REPS1: variants seen among roughly 807,000 people sequenced by gnomAD.
The protein encoded by REPS1 is RALBP1 associated Eps domain containing 1.
A neutral mutation model predicts 100.9 loss-of-function variants in REPS1; 39 were observed. The ratio of observed to expected loss-of-function variants is 0.39; its 90% CI spans 0.30 to 0.50. The LOEUF (loss-of-function observed/expected upper bound fraction) is 0.50. REPS1 is among the 20% of genes least tolerant of loss of function. REPS1 has a pLI of 0.86. For missense variants in REPS1, 821 were observed against 968.5 expected, an observed-to-expected ratio of 0.85 and a Z score of 2.02; for synonymous variants, 324 against 340.3, an observed-to-expected ratio of 0.95 and a Z score of 0.53.
chr6:138,937,187 T>A (rs897378546), intron 8 of REPS1, among the ~76,000 whole-genome samples: 3 of 152,114 alleles, frequency 2.0e-5, no homozygotes, highest in Non-Finnish European at 4.4e-5. Context: ...CCTGCCCCCA[T>A]GATTCAATTA....
Position 138,945,554 on chromosome 6 carries a change from T to C in REPS1, c.421A>G (p.Lys141Glu), listed in dbSNP as rs778908809. ...ACCGTATCATGGCTTACGGATCCCTTTTTCACTTGCCCCCTGCCAGGTGGT... is the reference window on the plus strand; with the variant it reads ...ACCGTATCATGGCTTACGGATCCCTCTTTCACTTGCCCCCTGCCAGGTGGT... ...PPPPGRGQVK[K>E]GSVSHDTVQP... The change falls in exon 3 of 20, where the codon AAG becomes GAG. Residue 141 changes from lysine (K) to glutamate (E), a missense_variant. Coordinates refer to ENST00000450536, the MANE Select transcript of REPS1 (RefSeq NM_001286611.2). The C allele has an allele frequency of 1.1e-5, 17 of 1,612,258 alleles. No homozygotes were observed. The highest frequency in any genetic ancestry group is 2.5e-6 in the Non-Finnish European group (3 of 1,179,524).
intron 7 of REPS1, 122 bp from the exon 8 acceptor site, chr6:138,941,611 CCATA>C: frequency 1.1e-6 from 1 of 915,696 alleles, no homozygotes; most frequent in South Asian, 1.7e-5. Flanking sequence ...TATAAAAATC[CCATA>C]CACAGAAAGA....
At chr6:138,967,555 G>A (rs1361678024) in intron 1 of REPS1, among the ~76,000 whole-genome samples, 1 of 152,120 alleles carries the variant, frequency 6.6e-6, no homozygotes, top group African/African-American at 2.4e-5. Context: ...ATAGCTGTAG[G>A]CAGCAATAAT....
chr6:138,924,150 A>G (rs1377811044), intron 10 of REPS1, among the ~76,000 whole-genome samples: 1 of 152,192 alleles, frequency 6.6e-6, no homozygotes, highest in Admixed American at 6.5e-5. Flanking sequence ...AATTTAAAGT[A>G]AGAATACTGG....
chr6:138,918,239 C>A (rs1205761298), intron 12 of REPS1, among the ~76,000 whole-genome samples: 1 of 152,048 alleles, frequency 6.6e-6, no homozygotes, highest in East Asian at 1.9e-4. Flanking sequence ...GTGTGAGCCA[C>A]CGTGCCTGGC....
intron 1 of REPS1, among the ~76,000 whole-genome samples, chr6:138,962,737 A>G (rs1449627124): frequency 6.6e-6 from 1 of 151,934 alleles, no homozygotes; most frequent in Non-Finnish European, 1.5e-5. Context: ...TTCCTTGAGC[A>G]CTCTACTGTT....
At chr6:138,932,641 T>C (rs1781556641) in intron 8 of REPS1, among the ~76,000 whole-genome samples, 1 of 152,340 alleles carries the variant, frequency 6.6e-6, no homozygotes, top group South Asian at 2.1e-4. Context: ...GTAAGTACAA[T>C]GGTTGTCTCA....
intron 11 of REPS1, among the ~76,000 whole-genome samples, chr6:138,920,634 A>C (rs1461320240): frequency 6.6e-6 from 1 of 152,210 alleles, no homozygotes; most frequent in Non-Finnish European, 1.5e-5. Flanking sequence ...GACTTACACA[A>C]AAAAAATCTA....
At chr6:138,953,600 C>T (rs569565617) in intron 1 of REPS1, among the ~76,000 whole-genome samples, 11 of 151,634 alleles carry the variant, frequency 7.3e-5, no homozygotes, top group African/African-American at 2.7e-4. Context: ...TGAAAAACTG[C>T]TCATCACTAT....
chr6:138,922,686 C>G (rs1562521839), intron 10 of REPS1, among the ~76,000 whole-genome samples: 1 of 152,182 alleles, frequency 6.6e-6, no homozygotes, highest in Non-Finnish European at 1.5e-5. Context: ...GGGGGCCCAG[C>G]TCCTTCTATG....
intron 1 of REPS1, among the ~76,000 whole-genome samples, chr6:138,951,329 A>G (rs1374803604): frequency 1.3e-5 from 2 of 152,192 alleles, no homozygotes; most frequent in African/African-American, 4.8e-5. Context: ...ACAGAAAACT[A>G]AAAGATCATA....
At chr6:138,914,582 T>C (rs1258850397) in intron 15 of REPS1, 115 bp downstream of exon 15, 10 of 813,576 alleles carry the variant, frequency 1.2e-5, no homozygotes, top group East Asian at 2.5e-5. Context: ...TAAATGCTCA[T>C]TAAAGATTAC....
At chr6:138,980,001 G>A (rs1582866900) in intron 1 of REPS1, among the ~76,000 whole-genome samples, 1 of 152,050 alleles carries the variant, frequency 6.6e-6, no homozygotes, top group South Asian at 2.1e-4. Context: ...GACAAAAGGG[G>A]AACTGCTGAA....
intron 1 of REPS1, among the ~76,000 whole-genome samples, chr6:138,949,484 T>C (rs1368025881): frequency 6.6e-6 from 1 of 152,178 alleles, no homozygotes; most frequent in African/African-American, 2.4e-5. Context: ...CACAGCACTT[T>C]GGGAGGCCAA....
At chr6:138,952,355 C>A (rs577768542) in intron 1 of REPS1, among the ~76,000 whole-genome samples, 1 of 151,596 alleles carries the variant, frequency 6.6e-6, no homozygotes, top group East Asian at 1.9e-4. Flanking sequence ...AGTAAAGCTG[C>A]AAAATAACAA....
At chr6:138,944,257 G>A (rs1051708804) in intron 5 of REPS1, among the ~76,000 whole-genome samples, 1 of 152,182 alleles carries the variant, frequency 6.6e-6, no homozygotes, top group Non-Finnish European at 1.5e-5. Context: ...AGAAAGCCAA[G>A]CAAATATATT....
intron 8 of REPS1, among the ~76,000 whole-genome samples, chr6:138,939,905 CTTAAGAAA>C (rs1782113213): frequency 6.6e-6 from 1 of 152,156 alleles, no homozygotes; most frequent in South Asian, 2.1e-4. Flanking sequence ...GAAAAATGTG[CTTAAGAAA>C]TTAAAATCAA....
intron 1 of REPS1, among the ~76,000 whole-genome samples, chr6:138,974,366 T>C (rs1784489219): frequency 6.6e-6 from 1 of 152,146 alleles, no homozygotes; most frequent in Non-Finnish European, 1.5e-5. Context: ...CTGTGTTACA[T>C]GAGAATCACA....
At chr6:138,980,262 A>G (rs1784861615) in intron 1 of REPS1, among the ~76,000 whole-genome samples, 1 of 152,236 alleles carries the variant, frequency 6.6e-6, no homozygotes, top group East Asian at 1.9e-4. Context: ...CATATCCACT[A>G]GCGTATCTGC....
Sources: gnomAD v4.1 joint callset for allele counts (sites outside exome capture counted in the v4.1 genomes callset) on GRCh38, gnomAD v4.1.1 for gene constraint, MANE v1.5 for transcripts, NCBI Gene and HGNC (gene_info 2026-07-23, HGNC 2026-07-21) for gene names.